BCLAF1: variants seen among roughly 807,000 people sequenced by gnomAD.
The protein encoded by BCLAF1 is BCL2 associated transcription factor 1, also known as bcl-2-associated transcription factor 1.
BCLAF1 carries 10 observed loss-of-function variants against 99.5 expected under a neutral mutation model. That is an observed-to-expected ratio of 0.10 (90% confidence interval 0.06 to 0.17). BCLAF1 has a LOEUF of 0.17. BCLAF1 is among the 10% of genes least tolerant of loss of function. The pLI is 1.00. For synonymous variants in BCLAF1, 255 were observed against 370.9 expected (o/e 0.69, Z 3.59); for missense variants, 636 against 1,105.8 (o/e 0.58, Z 6.02).
chr6:136,276,325 A>T lies in BCLAF1; in HGVS notation c.1200T>A (p.Asp400Glu), dbSNP rs1373375955. The T allele has an allele frequency of 4.5e-6, 7 of 1,566,630 alleles. No homozygotes were observed. Among genetic ancestry groups the T allele is most frequent in the Non-Finnish European group, 6.0e-6 (7 of 1,158,648 alleles). Reference protein sequence around the residue: ...GKQKFNDSEGDDTEETEDYRQ... With the variant: ...GKQKFNDSEGEDTEETEDYRQ... Reference sequence around the variant, plus strand: ...TATAATCCTCTGTCTCCTCTGTGTCATCCCCTTCTGAATCATTAAACTTTT... The same window carrying T: ...TATAATCCTCTGTCTCCTCTGTGTCTTCCCCTTCTGAATCATTAAACTTTT... The change falls in exon 5 of 13, where the codon GAT (aspartate) becomes GAA (glutamate). Residue 400 changes from aspartate (D) to glutamate (E), a missense_variant. By Grantham distance (45) the Asp-to-Glu change is conservative (BLOSUM62 2). Around this residue, in one of 9 missense-constraint regions of BCLAF1, gnomAD observed 186 missense variants for 275.3 expected, o/e 0.68. Coordinates refer to ENST00000531224, the MANE Select transcript of BCLAF1 (RefSeq NM_014739.3).
intron 2 of BCLAF1, among the ~76,000 whole-genome samples, chr6:136,280,616 A>C (rs1784257361): frequency 6.7e-6 from 1 of 148,472 alleles, no homozygotes; most frequent in African/African-American, 2.6e-5. Context: ...GAAAAAAAAA[A>C]CTTGGGCACC....
intron 2 of BCLAF1, among the ~76,000 whole-genome samples, chr6:136,280,726 G>C (rs1324654061): frequency 6.6e-6 from 1 of 152,062 alleles, no homozygotes; most frequent in Non-Finnish European, 1.5e-5. Flanking sequence ...TGATTTATAA[G>C]ATCTACTAAT....
chr6:136,277,063 C>T (rs1783535048), intron 4 of BCLAF1, among the ~76,000 whole-genome samples: 1 of 152,168 alleles, frequency 6.6e-6, no homozygotes, highest in Non-Finnish European at 1.5e-5. Flanking sequence ...ATCATAAATT[C>T]TAGATTGTGC....
chr6:136,273,362 G>C (rs1050911229), intron 6 of BCLAF1, 175 bp from the exon 7 acceptor site: 3 of 560,120 alleles, frequency 5.4e-6, no homozygotes, highest in Non-Finnish European at 9.4e-6. Flanking sequence ...CTCAACAGGA[G>C]AGTGTTTCGA....
At chr6:136,267,591 G>A (rs1781891348) in intron 10 of BCLAF1, among the ~76,000 whole-genome samples, 1 of 151,806 alleles carries the variant, frequency 6.6e-6, no homozygotes, top group Non-Finnish European at 1.5e-5. Context: ...AACCCAACTA[G>A]ATACTCGCTC....
intron 1 of BCLAF1, among the ~76,000 whole-genome samples, chr6:136,287,784 C>A (rs1785348471): frequency 6.6e-6 from 1 of 152,198 alleles, no homozygotes; most frequent in Non-Finnish European, 1.5e-5. Flanking sequence ...AATCCCAGCA[C>A]TTTGGGTGGG....
intron 2 of BCLAF1, among the ~76,000 whole-genome samples, chr6:136,280,597 G>C (rs1479946455): frequency 6.6e-6 from 1 of 151,642 alleles, no homozygotes; most frequent in East Asian, 1.9e-4. Flanking sequence ...AGATTTATTA[G>C]AACTACAAGA....
chr6:136,266,381 T>C (rs1429081280), intron 11 of BCLAF1, among the ~76,000 whole-genome samples: 2 of 152,080 alleles, frequency 1.3e-5, no homozygotes, highest in African/African-American at 2.4e-5. Flanking sequence ...TCCACCTCTA[T>C]AATGCAGGAG....
chr6:136,286,385 A>G (rs1785133156), intron 1 of BCLAF1, among the ~76,000 whole-genome samples: 1 of 152,232 alleles, frequency 6.6e-6, no homozygotes, highest in South Asian at 2.1e-4. Context: ...TTCATCTGTC[A>G]GCTTCAAATT....
rs1780501476 is a variant in BCLAF1 at position 136,256,698 on chromosome 6, A to AATAAATAAATAAATAT, written c.*4411_*4412insATATTTATTTATTTAT. On this transcript the variant is annotated 3_prime_UTR_variant, in exon 13 of 13. Transcript: ENST00000531224. ...AAATAAATAAATAAATAAATAAATA[A>AATAAATAAATAAATAT]ATAAATAAATAATTCAAAGTGCATT... 6.1e-6 allele frequency: 1 copy of AATAAATAAATAAATAT among 163,642 alleles called. No homozygotes were observed. The highest frequency in any genetic ancestry group is 1.8e-4 in the East Asian group (1 of 5,674). The allele number at this position is 163,642 out of a possible 1,614,324, so 10.1% of individuals were successfully genotyped here. A position where few individuals can be genotyped will look rare whatever the true frequency, so the allele number is the denominator to read the frequency against.
In BCLAF1 at chr6:136,279,805, G is replaced by A. The variant is rs1267012499; in HGVS notation, c.62C>T (p.Ser21Phe). The A allele has an allele frequency of 6.3e-7, 1 of 1,580,860 alleles. No individual in the cohort carries two copies. Among genetic ancestry groups the A allele is most frequent in the Non-Finnish European group, 8.6e-7 (1 of 1,163,226 alleles). Reference sequence around the variant, plus strand: ...AGAATGAGATCTTGATCTTGATCGAGAACTAGACTGTGATCTAGACTTTGA... The same window carrying A: ...AGAATGAGATCTTGATCTTGATCGAAAACTAGACTGTGATCTAGACTTTGA... ...SRSKSRSQSS[S>F]RSRSRSHSRK... The change falls in exon 3 of 13, where the codon TCT becomes TTT. Residue 21 changes from serine to phenylalanine, a missense_variant. Ser to Phe is a radical substitution (Grantham distance 155, BLOSUM62 -2). Coordinates refer to ENST00000531224, the MANE Select transcript of BCLAF1 (RefSeq NM_014739.3).
At chr6:136,264,755 A>G (rs1016428177) in intron 11 of BCLAF1, among the ~76,000 whole-genome samples, 3 of 152,168 alleles carry the variant, frequency 2.0e-5, no homozygotes, top group African/African-American at 7.2e-5. Flanking sequence ...TAACTTTGGG[A>G]ACTAATTTAT....
intron 7 of BCLAF1, among the ~76,000 whole-genome samples, 169 bp from the exon 8 acceptor site, chr6:136,272,248 A>C (rs1286951226): frequency 5.9e-5 from 9 of 151,938 alleles, no homozygotes; most frequent in Admixed American, 5.3e-4. Context: ...AAAAATACCC[A>C]CAAAGAATGA....
intron 12 of BCLAF1, 42 bp from the exon 13 acceptor site, chr6:136,261,157 G>T (rs750678338): frequency 1.3e-6 from 2 of 1,568,174 alleles, no homozygotes; most frequent in Non-Finnish European, 1.7e-6. Flanking sequence ...AAAAGATGCG[G>T]AGAGTGAAAA....
At chr6:136,275,438 C>A (rs1020890729) in intron 6 of BCLAF1, 94 bp downstream of exon 6, 29 of 1,247,382 alleles carry the variant, frequency 2.3e-5, no homozygotes, top group South Asian at 4.0e-5. Flanking sequence ...TATTTGCTAG[C>A]CCTGGGGTAC....
chr6:136,278,914 G>C, intron 3 of BCLAF1, 138 bp from the exon 4 acceptor site: 2 of 840,982 alleles, frequency 2.4e-6, no homozygotes, highest in Non-Finnish European at 3.4e-6. Context: ...CTGTACAAAA[G>C]TTAATGGTTT....
intron 6 of BCLAF1, 58 bp downstream of exon 6, chr6:136,275,473 AT>A (rs974434383): frequency 2.4e-5 from 34 of 1,416,176 alleles, no homozygotes; most frequent in African/African-American, 1.6e-4. Flanking sequence ...ATAATTACAC[AT>A]TTTTTTATTT....
chr6:136,281,019 TA>T, intron 2 of BCLAF1, among the ~76,000 whole-genome samples: 1 of 152,274 alleles, frequency 6.6e-6, no homozygotes, highest in Non-Finnish European at 1.5e-5. Flanking sequence ...TTCGGTATAA[TA>T]AAATAGTATT....
Position 136,273,187 on chromosome 6 carries a change from T to C in BCLAF1, c.1853A>G (p.Glu618Gly). ...HIVSLVHHVK[E>G]QYFKSAAMTL... ...CATTGCAGCTGACTTGAAGTATTGC[T>C]CTGTTGATTTAGAAGAAATACTGTC... The change falls in exon 7 of 13, where the codon GAG becomes GGG. Residue 618 changes from glutamate (E) to glycine (G), a missense_variant and splice_region_variant. Transcript: ENST00000531224. 6.2e-7 allele frequency: 1 copy of C among 1,610,424 alleles called. No individual in the cohort carries two copies. The highest frequency in any genetic ancestry group is 2.2e-5 in the East Asian group (1 of 44,826).
Sources: gnomAD v4.1 joint callset for allele counts (sites outside exome capture counted in the v4.1 genomes callset) on GRCh38, gnomAD v4.1.1 for gene constraint, gnomAD v4.1.1 regional missense constraint, MANE v1.5 for transcripts, NCBI Gene and HGNC (gene_info 2026-07-23, HGNC 2026-07-21) for gene names.